SACM1L: variants seen among roughly 807,000 people sequenced by gnomAD.
SACM1L encodes phosphatidylinositol-3-phosphatase SAC1.
SACM1L carries 32 observed loss-of-function variants against 89.5 expected under a neutral mutation model. The ratio of observed to expected loss-of-function variants is 0.36; its 90% CI spans 0.27 to 0.48. The LOEUF (loss-of-function observed/expected upper bound fraction) is 0.48, where lower values mean the gene tolerates loss of function less well. Ranked by LOEUF, SACM1L falls within the 20% of genes least tolerant of loss-of-function variation. The probability of loss-of-function intolerance (pLI) is 0.99; values close to 1 mark genes in which losing one functional copy is unlikely to be tolerated. For missense variants in SACM1L, 543 were observed against 708.5 expected, an observed-to-expected ratio of 0.77 and a Z score of 2.65; for synonymous variants, 213 against 232.8, an observed-to-expected ratio of 0.92 and a Z score of 0.77.
In SACM1L at chr3:45,714,075, T is replaced by C; in HGVS notation, c.573T>C (p.His191=). The change falls in exon 7 of 20, where the codon CAT becomes CAC. Residue 191 remains histidine, a synonymous_variant. Transcript: ENST00000389061. The part of the protein sequence containing the change: ...EVHRFALPVL[H]GFITMHSCSI... Reference sequence around the variant, plus strand: ...ATCGGTTTGCCCTTCCAGTGTTACATGGCTGTATCCTTACATGATATTACT... The same window carrying C: ...ATCGGTTTGCCCTTCCAGTGTTACACGGCTGTATCCTTACATGATATTACT... 1 of 1,551,318 alleles carries C rather than the reference T, an allele frequency of 6.4e-7. No individual in the cohort carries two copies. The highest frequency in any genetic ancestry group is 8.8e-7 in the Non-Finnish European group (1 of 1,137,416).
chr3:45,739,815 CTAG>C (rs1699277679), intron 19 of SACM1L, 171 bp downstream of exon 19: 1 of 658,136 alleles, frequency 1.5e-6, no homozygotes, highest in Non-Finnish European at 2.7e-6. Context: ...AATAACATAC[CTAG>C]TAGTTTGATG....
chr3:45,723,552 C>G lies in SACM1L; in HGVS notation c.921+9C>G, dbSNP rs1164023452. On this transcript the variant is annotated intron_variant, in intron 11 of 19. Coordinates refer to ENST00000389061, the MANE Select transcript of SACM1L (RefSeq NM_014016.5). Reference sequence around the variant, plus strand: ...AAGTTATAATCAATCTGGTATGTTTCTTATGTTTCTTGGGGGGAAAAAAAA... The same window carrying G: ...AAGTTATAATCAATCTGGTATGTTTGTTATGTTTCTTGGGGGGAAAAAAAA... 4 of 1,371,308 alleles carry G rather than the reference C, an allele frequency of 2.9e-6. No individual in the cohort carries two copies. The highest frequency in any genetic ancestry group is 3.9e-6 in the Non-Finnish European group (4 of 1,014,884). 84.9% of individuals were successfully genotyped at this position (1,371,308 alleles called of 1,614,324 possible).
chr3:45,738,320 A>G (rs897138530), intron 16 of SACM1L, among the ~76,000 whole-genome samples: 3 of 152,176 alleles, frequency 2.0e-5, no homozygotes, highest in Admixed American at 6.5e-5. Context: ...AACCTGGGCT[A>G]TGTATTTCTC....
intron 13 of SACM1L, 155 bp from the exon 14 acceptor site, chr3:45,735,080 G>A (rs751466386): frequency 3.6e-5 from 24 of 674,030 alleles, no homozygotes; most frequent in Non-Finnish European, 5.2e-5. Flanking sequence ...TTTTGGTCTA[G>A]GATAATCACA....
At chr3:45,695,164 T>C (rs1698091548) in intron 1 of SACM1L, among the ~76,000 whole-genome samples, 1 of 152,158 alleles carries the variant, frequency 6.6e-6, no homozygotes, top group Non-Finnish European at 1.5e-5. Flanking sequence ...CCTTCTTTAC[T>C]AAGTTGTTTT....
At chr3:45,721,867 T>C (rs537563593) in intron 8 of SACM1L, 133 bp from the exon 9 acceptor site, 139 of 620,258 alleles carry the variant, frequency 2.2e-4, no homozygotes, top group East Asian at 8.9e-5. Flanking sequence ...TTTGTTTGAA[T>C]TGTATTTTCA....
At chr3:45,719,373 ATGAAGATTTG>A (rs1458744091) in intron 7 of SACM1L, 117 bp from the exon 8 acceptor site, 4 of 528,252 alleles carry the variant, frequency 7.6e-6, no homozygotes, top group Admixed American at 3.7e-5. Context: ...GTGAATATTC[ATGAAGATTTG>A]TATACTCTTG....
chr3:45,694,247 C>G (rs774199348), intron 1 of SACM1L, among the ~76,000 whole-genome samples: 10 of 152,198 alleles, frequency 6.6e-5, no homozygotes, highest in Non-Finnish European at 1.2e-4. Context: ...GTTACTGCAT[C>G]AGGCTGCAGC....
intron 1 of SACM1L, among the ~76,000 whole-genome samples, chr3:45,692,841 A>T (rs939950180): frequency 6.6e-6 from 1 of 152,250 alleles, no homozygotes; most frequent in Non-Finnish European, 1.5e-5. Flanking sequence ...ATGGAAAGCT[A>T]GAATGGTCAA....
At chr3:45,700,147 A>G (rs1430051270) in intron 1 of SACM1L, among the ~76,000 whole-genome samples, 2 of 152,174 alleles carry the variant, frequency 1.3e-5, no homozygotes, top group Non-Finnish European at 1.5e-5. Context: ...GTTTATCTAG[A>G]TGCAAGCCTT....
chr3:45,734,113 A>ATTT (rs377501431), intron 13 of SACM1L, among the ~76,000 whole-genome samples: 18,372 of 131,942 alleles, frequency 0.14, 1,647 homozygotes, highest in Admixed American at 0.15. Context: ...CCATTTAAGA[A>ATTT]TTTTTTTTTT....
Position 45,709,593 on chromosome 3 carries a change from G to T in SACM1L, c.429G>T (p.Leu143Phe). Residue 143 changes from leucine to phenylalanine, a missense_variant, in exon 5 of 20, where the codon TTG (leucine) becomes TTT (phenylalanine). Leu to Phe is a conservative substitution (Grantham distance 22, BLOSUM62 0). Transcript: ENST00000389061. ...CAACATATGATTTGACCCATACTTT[G>T]CAGCGGCTATCCAACACTAGTCCTG... is the stretch of plus-strand genomic sequence containing the variant. ...FSTTYDLTHT[L>F]QRLSNTSPEF... The T allele has an allele frequency of 6.2e-7, 1 of 1,613,840 alleles. No individual in the cohort carries two copies. The highest frequency in any genetic ancestry group is 1.1e-5 in the South Asian group (1 of 91,054).
chr3:45,691,778 C>T (rs1697997949), intron 1 of SACM1L, among the ~76,000 whole-genome samples: 1 of 152,060 alleles, frequency 6.6e-6, no homozygotes, highest in African/African-American at 2.4e-5. Context: ...CCACACCTGT[C>T]CTACTTCGGA....
rs370975199 is a variant in SACM1L at position 45,702,213 on chromosome 3, T to G, written c.33-1225T>G. 2.8e-4 allele frequency among the ~76,000 whole-genome samples: 42 copies of G among 152,338 alleles called. 5 individuals carry two copies. The highest frequency in any genetic ancestry group is 2.0e-3 in the Admixed American group (31 of 15,304). On this transcript the variant is annotated intron_variant, in intron 1 of 19. Coordinates refer to ENST00000389061, the MANE Select transcript of SACM1L (RefSeq NM_014016.5). ...AAGGATTGATTATTCCTCAGAGAAC[T>G]TGCAGTAAAAAAGAGTCAAAAGTTT...
At chr3:45,689,794 C>T in intron 1 of SACM1L, 1 of 564,664 alleles carries the variant, frequency 1.8e-6, no homozygotes. Context: ...TGCGGCCCTT[C>T]AGGGCACGCT....
intron 11 of SACM1L, among the ~76,000 whole-genome samples, chr3:45,723,965 GACAC>G (rs139247863): frequency 1.2e-4 from 18 of 149,548 alleles, no homozygotes; most frequent in Non-Finnish European, 2.4e-4. Context: ...CACACACACA[GACAC>G]ACACACACAC....
At chr3:45,697,269 CTTTTTTTTTTTTTT>C (rs869095037) in intron 1 of SACM1L, among the ~76,000 whole-genome samples, 11 of 92,090 alleles carry the variant, frequency 1.2e-4, no homozygotes, top group African/African-American at 3.9e-4. Flanking sequence ...TTTTCTTTTC[CTTTTTTTTTTTTTT>C]TTTTTTTTTT....
intron 19 of SACM1L, chr3:45,743,104 G>A (rs1355349935): frequency 6.6e-6 from 1 of 152,230 alleles, no homozygotes. Context: ...AATTTTTTGT[G>A]CAGGTGTTTT....
chr3:45,737,516 T>C (rs1442824910), intron 14 of SACM1L, 67 bp from the exon 15 acceptor site: 1 of 1,486,166 alleles, frequency 6.7e-7, no homozygotes, highest in African/African-American at 1.4e-5. Flanking sequence ...GGGGACTGCT[T>C]TTTCTTCCTA....
Sources: gnomAD v4.1 joint callset for allele counts (sites outside exome capture counted in the v4.1 genomes callset) on GRCh38, gnomAD v4.1.1 for gene constraint, MANE v1.5 for transcripts, NCBI Gene and HGNC (gene_info 2026-07-23, HGNC 2026-07-21) for gene names.